The following TCAIM variants were observed in gnomAD, a reference collection of about 807,000 sequenced individuals.
The protein encoded by TCAIM is T-cell activation inhibitor, mitochondrial.
A neutral mutation model predicts 58.6 loss-of-function variants in TCAIM; 36 were observed. That is an observed-to-expected ratio of 0.61 (90% CI 0.47 to 0.81). The LOEUF (loss-of-function observed/expected upper bound fraction) is 0.81. Among genes scored for constraint, TCAIM ranks in the 30% least tolerant of loss-of-function variants. The pLI is 0.00. For missense variants in TCAIM, 466 were observed against 579.6 expected (o/e 0.80, Z 2.01); for synonymous variants, 172 against 193.6 (o/e 0.89, Z 0.93).
At chr3:44,405,947 A>C (rs1010917993) in intron 10 of TCAIM, among the ~76,000 whole-genome samples, 3 of 73,360 alleles carry the variant, frequency 4.1e-5, no homozygotes, top group African/African-American at 1.3e-4. Flanking sequence ...GCAAGACTCC[A>C]TCTCAAAAAA....
At chr3:44,385,215 T>C (rs1031359288) in intron 5 of TCAIM, among the ~76,000 whole-genome samples, 1 of 152,142 alleles carries the variant, frequency 6.6e-6, no homozygotes, top group Non-Finnish European at 1.5e-5. Context: ...CTAATGTAAG[T>C]AGAAAATAAA....
chr3:44,401,116 A>G, intron 9 of TCAIM, 87 bp from the exon 10 acceptor site: 1 of 1,517,626 alleles, frequency 6.6e-7, no homozygotes, highest in East Asian at 2.3e-5. Flanking sequence ...ATTTTTTTTT[A>G]TTTTCCTGAA....
At chr3:44,366,294 T>TC (rs1208574181) in intron 4 of TCAIM, among the ~76,000 whole-genome samples, 2 of 151,472 alleles carry the variant, frequency 1.3e-5, no homozygotes, top group African/African-American at 4.8e-5. Flanking sequence ...TCAGTAACTT[T>TC]TTTTTTTTTT....
chr3:44,400,597 T>A lies in TCAIM; in HGVS notation c.1118+10T>A. The A allele has an allele frequency of 6.3e-7, 1 of 1,598,584 alleles. No individual in the cohort carries two copies. The highest frequency in any genetic ancestry group is 8.6e-7 in the Non-Finnish European group (1 of 1,166,818). ...AAATGATCCTTAACAGGTAAATATCTAAGATAGAAGGATTACTTTTATTCC... is the reference window on the plus strand; with the variant it reads ...AAATGATCCTTAACAGGTAAATATCAAAGATAGAAGGATTACTTTTATTCC... On this transcript the variant is annotated intron_variant, in intron 9 of 10. Coordinates refer to ENST00000342649, the MANE Select transcript of TCAIM (RefSeq NM_173826.4).
intron 9 of TCAIM, 49 bp downstream of exon 9, chr3:44,400,636 G>T: frequency 6.7e-7 from 1 of 1,495,736 alleles, no homozygotes; most frequent in Non-Finnish European, 9.3e-7. Flanking sequence ...GTCTAGGTGG[G>T]TTGTGTGTGT....
intron 6 of TCAIM, 102 bp downstream of exon 6, chr3:44,393,079 ATAAC>A: frequency 1.1e-6 from 1 of 940,518 alleles, no homozygotes; most frequent in Admixed American, 2.2e-5. Context: ...AATTGCTCTG[ATAAC>A]TGAGTACTCT....
intron 5 of TCAIM, among the ~76,000 whole-genome samples, chr3:44,369,771 T>G (rs1701435339): frequency 6.6e-6 from 1 of 152,270 alleles, no homozygotes; most frequent in African/African-American, 2.4e-5. Context: ...AATCTCTGTG[T>G]CTACTAATCT....
At position 44,354,677 on chromosome 3, in the gene TCAIM, C is replaced by T. The variant is rs552464522; in HGVS notation, c.-44-62C>T. ...CATATTTTGGGGTGATAATATAAAT[C>T]GCAATGTGTTTTACATTTAAAATTC... is the stretch of plus-strand genomic sequence containing the variant. On this transcript the variant is annotated intron_variant, in intron 1 of 10. Transcript: ENST00000342649. 3.6e-4 allele frequency: 406 copies of T among 1,127,294 alleles called. No homozygotes were observed. In the African/African-American group the frequency reaches 5.7e-3, roughly 16 times the overall value. The allele number at this position is 1,127,294 out of a possible 1,614,324, so 69.8% of individuals were successfully genotyped here.
Position 44,409,232 on chromosome 3 carries a change from AT to A in TCAIM, c.*1554del, listed in dbSNP as rs1440756423. 1.4e-4 allele frequency: 22 copies of A among 152,298 alleles called. No homozygotes were observed. Among genetic ancestry groups the A allele is most frequent in the Admixed American group, 1.2e-3 (18 of 15,298 alleles). 9.4% of individuals were successfully genotyped at this position (152,298 alleles called of 1,614,324 possible). A position where few individuals can be genotyped will look rare whatever the true frequency, so the allele number is the denominator to read the frequency against. On this transcript the variant is annotated 3_prime_UTR_variant, in exon 11 of 11. Coordinates refer to ENST00000342649, the MANE Select transcript of TCAIM (RefSeq NM_173826.4). ...AACCGTGCCTAACAACTGTACTTAA[AT>A]TTTGTTTTCTAGTGTAACAAATGTT...
chr3:44,401,007 G>A, intron 9 of TCAIM, 196 bp from the exon 10 acceptor site: 1 of 710,944 alleles, frequency 1.4e-6, no homozygotes, highest in Non-Finnish European at 2.2e-6. Flanking sequence ...AGGTCAGAGG[G>A]CTTGCAAGTA....
chr3:44,352,956 G>C (rs13064533), intron 1 of TCAIM, among the ~76,000 whole-genome samples: 70,977 of 144,188 alleles, frequency 0.49, 18,457 homozygotes, highest in East Asian at 0.8. Flanking sequence ...GTTTTTGCTC[G>C]TGTTGCCCAT....
intron 1 of TCAIM, among the ~76,000 whole-genome samples, chr3:44,345,006 C>CT (rs1700936482): frequency 6.6e-6 from 1 of 152,070 alleles, no homozygotes; most frequent in African/African-American, 2.4e-5. Context: ...TACGTTCAGG[C>CT]TTGGGCTCAG....
chr3:44,399,978 T>G (rs1403257763), intron 8 of TCAIM, among the ~76,000 whole-genome samples: 1 of 152,254 alleles, frequency 6.6e-6, no homozygotes, highest in Admixed American at 6.5e-5. Flanking sequence ...TTTGAAGGAA[T>G]AGACTGAGTT....
chr3:44,366,617 C>T (rs1044775173), intron 4 of TCAIM, among the ~76,000 whole-genome samples: 2 of 129,324 alleles, frequency 1.5e-5, no homozygotes, highest in South Asian at 3.3e-4. Flanking sequence ...CCCGCCACCA[C>T]GCCCGGCTAA....
intron 5 of TCAIM, among the ~76,000 whole-genome samples, chr3:44,376,058 A>G (rs968710484): frequency 2.0e-5 from 3 of 152,244 alleles, no homozygotes; most frequent in African/African-American, 7.2e-5. Context: ...GCTAAGTCAA[A>G]GAAGCTGATT....
At chr3:44,366,210 A>C (rs1367287849) in intron 4 of TCAIM, among the ~76,000 whole-genome samples, 1 of 148,324 alleles carries the variant, frequency 6.7e-6, no homozygotes, top group Non-Finnish European at 1.5e-5. Flanking sequence ...AAAAAAGCAA[A>C]CCAGTGGATT....
In TCAIM at chr3:44,357,800, C is replaced by G; in HGVS notation, c.89C>G (p.Ala30Gly). 1.9e-6 allele frequency: 3 copies of G among 1,614,126 alleles called. No individual in the cohort carries two copies. The highest frequency in any genetic ancestry group is 1.3e-5 in the African/African-American group (1 of 75,030). ...CCCTTTTCAAGAGCTTTATCGGGAG[C>G]TGAAGCAGTCAATGCCTTGAGGCCT... ...WFPFSRALSG[A>G]EAVNALRPFY... Residue 30 changes from alanine to glycine, a missense_variant, in exon 3 of 11, where the codon GCT (alanine) becomes GGT (glycine). Transcript: ENST00000342649.
At chr3:44,347,196 G>A (rs1481371313) in intron 1 of TCAIM, among the ~76,000 whole-genome samples, 1 of 152,146 alleles carries the variant, frequency 6.6e-6, no homozygotes, top group Non-Finnish European at 1.5e-5. Context: ...AGAAATTTGG[G>A]TTTTGGAGGA....
chr3:44,346,076 G>A (rs531357338), intron 1 of TCAIM, among the ~76,000 whole-genome samples: 1 of 152,320 alleles, frequency 6.6e-6, no homozygotes, highest in Admixed American at 6.5e-5. Context: ...CCCGAGGACA[G>A]GCCCGAATTC....
Sources: allele counts gnomAD v4.1 joint callset (sites outside exome capture counted in the v4.1 genomes callset), GRCh38; gene constraint gnomAD v4.1.1; transcripts MANE v1.5; gene names NCBI Gene and HGNC (gene_info 2026-07-23, HGNC 2026-07-21).